The following ASIC5 variants were observed in gnomAD, a reference collection of about 807,000 sequenced individuals.
The protein encoded by ASIC5 is acid sensing ion channel subunit family member 5.
ASIC5 carries 52 observed loss-of-function variants against 51.2 expected under a neutral mutation model. The observed-to-expected ratio is 1.02, with a 90% CI of 0.81 to 1.28. ASIC5 has a LOEUF of 1.28. Among genes scored for constraint, ASIC5 ranks in the 50% most tolerant of loss-of-function variants. The pLI is 0.00. For missense variants in ASIC5, 635 were observed against 595.0 expected (o/e 1.07, Z -0.70); for synonymous variants, 231 against 200.7 (o/e 1.15, Z -1.28).
Position 155,843,202 on chromosome 4 carries a change from T to C in ASIC5, c.861+479A>G, listed in dbSNP as rs542783667. On this transcript the variant is annotated intron_variant, in intron 5 of 9. Transcript: ENST00000537611. Reference sequence around the variant, plus strand: ...AGTGCTTTCTTTATGGTACTTCACTTAAACTTCCTTACTATGAAAGAAAAA... The same window carrying C: ...AGTGCTTTCTTTATGGTACTTCACTCAAACTTCCTTACTATGAAAGAAAAA... Among the ~76,000 whole-genome samples the C allele has an allele frequency of 2.0e-5, 3 of 152,232 alleles. No individual in the cohort carries two copies. In the East Asian group the frequency reaches 5.8e-4, roughly 30 times the overall value.
At chr4:155,853,154 C>T (rs1285949027) in intron 3 of ASIC5, among the ~76,000 whole-genome samples, 1 of 151,990 alleles carries the variant, frequency 6.6e-6, no homozygotes, top group East Asian at 1.9e-4. Context: ...AATTCTCTAA[C>T]ATGAAATTTT....
chr4:155,841,627 A>T (rs1433130597), intron 6 of ASIC5, among the ~76,000 whole-genome samples: 1 of 152,150 alleles, frequency 6.6e-6, no homozygotes, highest in Non-Finnish European at 1.5e-5. Flanking sequence ...TCCCAAAGAA[A>T]ATAACTTTTC....
In ASIC5 at chr4:155,854,165, A is replaced by G. The variant is rs777885102; in HGVS notation, c.497T>C (p.Ile166Thr). ...DFAASHQNFS[I>T]VEFIRNKGFY... is the part of the protein sequence containing the mutation. The stretch of plus-strand genomic sequence containing the variant: ...ACCTTTGTTCCTGATAAATTCCACA[A>G]TGCTGAAGTTTTGGTGACTTGCAGC... Residue 166 changes from isoleucine (I) to threonine (T), a missense_variant, in exon 3 of 10, where the codon ATT (isoleucine) becomes ACT (threonine). Transcript: ENST00000537611. The G allele has an allele frequency of 3.7e-6, 6 of 1,613,360 alleles. No individual in the cohort carries two copies. The highest frequency in any genetic ancestry group is 5.1e-6 in the Non-Finnish European group (6 of 1,179,656).
intron 6 of ASIC5, 45 bp downstream of exon 6, chr4:155,842,162 A>G (rs1741132328): frequency 6.3e-7 from 1 of 1,579,060 alleles, no homozygotes; most frequent in Non-Finnish European, 8.7e-7. Flanking sequence ...TCTAAGAAAC[A>G]CTTAACTGTC....
intron 6 of ASIC5, among the ~76,000 whole-genome samples, chr4:155,841,762 T>C (rs1392755536): frequency 2.0e-5 from 3 of 152,114 alleles, no homozygotes; most frequent in African/African-American, 7.2e-5. Flanking sequence ...TGGGAGTAAG[T>C]ATTGGGGCCC....
At chr4:155,849,615 C>T (rs182153206) in intron 4 of ASIC5, among the ~76,000 whole-genome samples, 23 of 152,146 alleles carry the variant, frequency 1.5e-4, no homozygotes, top group African/African-American at 5.3e-4. Context: ...AGATTCTAGT[C>T]TTGCCCAGTG....
At chr4:155,840,895 C>T (rs577767477) in intron 6 of ASIC5, among the ~76,000 whole-genome samples, 22 of 152,092 alleles carry the variant, frequency 1.4e-4, no homozygotes, top group African/African-American at 4.6e-4. Flanking sequence ...TGGCACCACC[C>T]AGAACAAAAA....
At chr4:155,836,415 A>G (rs114085020) in intron 8 of ASIC5, among the ~76,000 whole-genome samples, 2,591 of 152,330 alleles carry the variant, frequency 0.017, 64 homozygotes, top group African/African-American at 0.058. Context: ...ATCAGTCAAC[A>G]TTATTATTTT....
intron 3 of ASIC5, among the ~76,000 whole-genome samples, chr4:155,853,424 G>A (rs1359070610): frequency 6.6e-6 from 1 of 151,758 alleles, no homozygotes; most frequent in Non-Finnish European, 1.5e-5. Flanking sequence ...TGCCTGTATA[G>A]TTCTTTATTA....
intron 1 of ASIC5, 148 bp downstream of exon 1, chr4:155,866,039 C>T (rs952144291): frequency 4.5e-6 from 2 of 449,412 alleles, no homozygotes; most frequent in African/African-American, 4.0e-5. Context: ...TAAAACTATT[C>T]ATTTTTAAAA....
rs189583161 is a variant in ASIC5, at chr4:155,852,117, G to A, written c.711+74C>T. On this transcript the variant is annotated intron_variant, in intron 4 of 9. Transcript: ENST00000537611. The stretch of plus-strand genomic sequence containing the variant: ...CAATGTGTGGGAACTATCTGATATG[G>A]CCCAATAGTCTGATCAAGTTTTTGA... The A allele has an allele frequency of 2.7e-5, 40 of 1,507,358 alleles. No individual in the cohort carries two copies. The Admixed American group carries it at 6.3e-4, about 24-fold the overall frequency. 93.4% of individuals were successfully genotyped at this position (1,507,358 alleles called of 1,614,324 possible). A position where few individuals can be genotyped will look rare whatever the true frequency, so the allele number is the denominator to read the frequency against.
chr4:155,861,841 A>G (rs547092849), intron 2 of ASIC5, among the ~76,000 whole-genome samples: 5 of 152,108 alleles, frequency 3.3e-5, no homozygotes, highest in African/African-American at 9.6e-5. Context: ...TCTTCTCCTT[A>G]TAAGAACTTC....
chr4:155,849,424 A>G (rs1435603187), intron 4 of ASIC5, among the ~76,000 whole-genome samples: 1 of 152,094 alleles, frequency 6.6e-6, no homozygotes, highest in African/African-American at 2.4e-5. Flanking sequence ...AGCCTATGTA[A>G]AAAATAACTA....
chr4:155,850,385 T>C (rs1184618477), intron 4 of ASIC5, among the ~76,000 whole-genome samples: 4 of 152,050 alleles, frequency 2.6e-5, no homozygotes, highest in African/African-American at 9.7e-5. Context: ...TTAATTGATG[T>C]CTCATGTCTT....
intron 2 of ASIC5, among the ~76,000 whole-genome samples, chr4:155,862,607 G>T (rs1279571511): frequency 6.6e-6 from 1 of 152,198 alleles, no homozygotes; most frequent in East Asian, 1.9e-4. Context: ...AGCAGATTTG[G>T]TGTACAGTCA....
At position 155,838,866 on chromosome 4, in the gene ASIC5, T is replaced by C. The variant is rs1348833681; in HGVS notation, c.1013A>G (p.Tyr338Cys). 1.3e-6 allele frequency: 2 copies of C among 1,558,368 alleles called. No individual in the cohort carries two copies. The highest frequency in any genetic ancestry group is 4.5e-5 in the East Asian group (2 of 44,190). The stretch of plus-strand genomic sequence containing the variant: ...CTTTTGTAGGTCACATTCTATCCCA[T>C]ATCCTTAAAAATAATAAGTGTAACA... Reference protein sequence around the residue: ...CGCVPFLLPGYGIECDLQKYF... With the variant: ...CGCVPFLLPGCGIECDLQKYF... The change falls in exon 7 of 10, where the codon TAT becomes TGT. Residue 338 changes from tyrosine (Y) to cysteine (C), a missense_variant. Coordinates refer to ENST00000537611, the MANE Select transcript of ASIC5 (RefSeq NM_017419.3).
In ASIC5 at chr4:155,863,768, C is replaced by G; in HGVS notation, c.41-14G>C. The stretch of plus-strand genomic sequence containing the variant: ...TTTCTAAGAGTCCTTAAGGTTTTGC[C>G]CATAAAATGATTAAACAAAAAAAAG... On this transcript the variant is annotated splice_polypyrimidine_tract_variant and intron_variant, in intron 1 of 9. Transcript: ENST00000537611. 1 of 1,577,994 alleles carries G rather than the reference C, an allele frequency of 6.3e-7. No individual in the cohort carries two copies. The highest frequency in any genetic ancestry group is 8.6e-7 in the Non-Finnish European group (1 of 1,163,434).
chr4:155,861,046 A>G (rs745432445), intron 2 of ASIC5, among the ~76,000 whole-genome samples: 2 of 151,894 alleles, frequency 1.3e-5, no homozygotes, highest in Non-Finnish European at 2.9e-5. Flanking sequence ...TAATATTTAC[A>G]TATTTGTGAA....
intron 8 of ASIC5, among the ~76,000 whole-genome samples, chr4:155,833,480 C>T (rs1740914716): frequency 6.6e-6 from 1 of 152,022 alleles, no homozygotes; most frequent in Non-Finnish European, 1.5e-5. Flanking sequence ...TACTTAATTT[C>T]CATTGGTTTA....
Sources: gnomAD v4.1 joint callset for allele counts (sites outside exome capture counted in the v4.1 genomes callset) on GRCh38, gnomAD v4.1.1 for gene constraint, MANE v1.5 for transcripts, NCBI Gene and HGNC (gene_info 2026-07-23, HGNC 2026-07-21) for gene names.